The following ITPR1 variants were observed in gnomAD, a reference collection of about 807,000 sequenced individuals.
ITPR1 encodes the protein inositol 1,4,5-trisphosphate-gated calcium channel ITPR1.
In ITPR1, 96 loss-of-function variants were observed where a neutral mutation model predicts 318.4. That is an observed-to-expected ratio of 0.30 (90% CI 0.26 to 0.36). The LOEUF is 0.36. ITPR1 is among the 10% of genes least tolerant of loss of function. The pLI, the probability that ITPR1 is intolerant of heterozygous loss-of-function variation, is 1.00. For synonymous variants in ITPR1, 1,312 were observed against 1,289.9 expected, an observed-to-expected ratio of 1.02 and a Z score of -0.37; for missense variants, 2,440 against 3,460.2, an observed-to-expected ratio of 0.71 and a Z score of 7.40.
chr3:4,809,395 A>G (rs1246643317), intron 55 of ITPR1, among the ~76,000 whole-genome samples: 1 of 152,184 alleles, frequency 6.6e-6, no homozygotes, highest in Non-Finnish European at 1.5e-5. Context: ...TGTTTTTCCC[A>G]TATAGTGAAA....
intron 31 of ITPR1, among the ~76,000 whole-genome samples, chr3:4,688,877 C>G (rs2094438244): frequency 6.6e-6 from 1 of 152,166 alleles, no homozygotes; most frequent in Non-Finnish European, 1.5e-5. Flanking sequence ...TTTTCCTAGT[C>G]AAGTCCTTCA....
chr3:4,607,874 T>C (rs2091813759), intron 4 of ITPR1, among the ~76,000 whole-genome samples: 1 of 152,110 alleles, frequency 6.6e-6, no homozygotes, highest in Non-Finnish European at 1.5e-5. Context: ...GCAGTAGTAA[T>C]GGGTAAGTTG....
In ITPR1 at chr3:4,657,984, C is replaced by T. The variant is rs1435895308; in HGVS notation, c.997-140C>T. 11 of 714,810 alleles carry T rather than the reference C, an allele frequency of 1.5e-5. No individual in the cohort carries two copies. The East Asian group carries it at 2.9e-4, about 19-fold the overall frequency. The allele number at this position is 714,810 out of a possible 1,614,324, so 44.3% of individuals were successfully genotyped here. A position where few individuals can be genotyped will look rare whatever the true frequency, so the allele number is the denominator to read the frequency against. On this transcript the variant is annotated intron_variant, in intron 12 of 61. Transcript: ENST00000649015. ...GGCCAGTTGTCATCTTTTAGGACTG[C>T]TCTGTAACTGTGGTCCTTTTCCTGC...
chr3:4,512,943 T>A (rs199594795), intron 2 of ITPR1, among the ~76,000 whole-genome samples: 10,124 of 100,296 alleles, frequency 0.1, 580 homozygotes, highest in East Asian at 0.39. Flanking sequence ...CAGGCATGGC[T>A]TGTCAGCAGA....
intron 10 of ITPR1, among the ~76,000 whole-genome samples, chr3:4,646,528 A>C: frequency 6.6e-6 from 1 of 152,240 alleles, no homozygotes; most frequent in East Asian, 1.9e-4. Context: ...TGGAGACCAG[A>C]GGCTGAAGGG....
intron 5 of ITPR1, among the ~76,000 whole-genome samples, chr3:4,636,286 A>G (rs2093187177): frequency 6.6e-6 from 1 of 152,238 alleles, no homozygotes; most frequent in Admixed American, 6.5e-5. Context: ...AATTCTTAAA[A>G]TGGTCCATAA....
intron 4 of ITPR1, among the ~76,000 whole-genome samples, chr3:4,548,737 A>T (rs905266127): frequency 6.6e-6 from 1 of 152,344 alleles, no homozygotes; most frequent in East Asian, 1.9e-4. Flanking sequence ...TTGAAAAGCC[A>T]CTAGCCCTCC....
intron 61 of ITPR1, among the ~76,000 whole-genome samples, chr3:4,843,601 G>C (rs747406593): frequency 6.6e-6 from 1 of 152,208 alleles, no homozygotes; most frequent in Non-Finnish European, 1.5e-5. Flanking sequence ...TGAAGTTTGA[G>C]AACCATTCTT....
intron 4 of ITPR1, among the ~76,000 whole-genome samples, chr3:4,621,094 C>G (rs1352975228): frequency 6.6e-6 from 1 of 152,172 alleles, no homozygotes; most frequent in African/African-American, 2.4e-5. Flanking sequence ...CCCACAATCC[C>G]ACTCCTCATT....
chr3:4,776,129 A>C (rs1000409476), intron 47 of ITPR1, among the ~76,000 whole-genome samples: 2 of 152,174 alleles, frequency 1.3e-5, no homozygotes, highest in South Asian at 4.1e-4. Flanking sequence ...CCCAGGCTGG[A>C]GTGCAGTGGT....
chr3:4,541,000 C>T (rs1028687001), intron 4 of ITPR1, among the ~76,000 whole-genome samples: 1 of 151,920 alleles, frequency 6.6e-6, no homozygotes, highest in Admixed American at 6.6e-5. Flanking sequence ...TTTTAACGTG[C>T]ATATTTAATT....
chr3:4,806,879 T>C (rs538767031), intron 55 of ITPR1, among the ~76,000 whole-genome samples: 2 of 152,302 alleles, frequency 1.3e-5, no homozygotes, highest in South Asian at 4.1e-4. Context: ...AAGGAACTAC[T>C]TACTTTCCTG....
At chr3:4,750,570 T>C (rs534844024) in intron 44 of ITPR1, 1 of 152,334 alleles carries the variant, frequency 6.6e-6, no homozygotes, top group East Asian at 1.9e-4. Context: ...CTTCCTGAGC[T>C]GGTAGGAACC....
chr3:4,630,778 G>C (rs761901763), intron 5 of ITPR1, among the ~76,000 whole-genome samples: 3 of 151,956 alleles, frequency 2.0e-5, no homozygotes, highest in Non-Finnish European at 4.4e-5. Context: ...AGTAGAGGCA[G>C]CATTTCACCA....
At chr3:4,593,665 C>T (rs2090569155) in intron 4 of ITPR1, among the ~76,000 whole-genome samples, 1 of 152,130 alleles carries the variant, frequency 6.6e-6, no homozygotes, top group Non-Finnish European at 1.5e-5. Flanking sequence ...ATATAGAATG[C>T]TATAAAAGAT....
chr3:4,825,785 T>G, intron 60 of ITPR1: 1 of 456,776 alleles, frequency 2.2e-6, no homozygotes, highest in Non-Finnish European at 4.4e-6. Flanking sequence ...GCAGACACTT[T>G]CTGAAGTTGG....
chr3:4,807,120 AGAGGGGGGCTTACAAAGAGAG>A (rs1306085633), intron 55 of ITPR1, among the ~76,000 whole-genome samples: 1 of 2,798 alleles, frequency 3.6e-4, no homozygotes, highest in Non-Finnish European at 9.8e-4. Context: ...GCTTACAAAG[AGAGGGGGGCTTACAAAGAGAG>A]GGGGGACTTA....
chr3:4,517,832 A>G lies in ITPR1; in HGVS notation c.92+1249A>G, dbSNP rs1446179119. Among the ~76,000 whole-genome samples, 4 of 151,388 alleles carry G rather than the reference A, an allele frequency of 2.6e-5. No individual in the cohort carries two copies. The East Asian group carries it at 7.7e-4, about 29-fold the overall frequency. On this transcript the variant is annotated intron_variant, in intron 3 of 61. Transcript: ENST00000649015. ...TTCCTGTTTTCATCGTCTATGGTTGACTCTTTTACCCTCTTCTTCTTTTCA... is the reference window on the plus strand; with the variant it reads ...TTCCTGTTTTCATCGTCTATGGTTGGCTCTTTTACCCTCTTCTTCTTTTCA...
intron 44 of ITPR1, among the ~76,000 whole-genome samples, chr3:4,759,724 G>T (rs186318985): frequency 6.6e-6 from 1 of 152,206 alleles, no homozygotes; most frequent in Admixed American, 6.5e-5. Flanking sequence ...TTTTGGGACC[G>T]GAGAGGAGCA....
Sources: allele counts gnomAD v4.1 joint callset (sites outside exome capture counted in the v4.1 genomes callset), GRCh38; gene constraint gnomAD v4.1.1; transcripts MANE v1.5; gene names NCBI Gene and HGNC (gene_info 2026-07-23, HGNC 2026-07-21).